Variants in COL11A1 observed in about 807,000 individuals in gnomAD.
COL11A1 encodes the protein collagen type XI alpha 1 chain.
A neutral mutation model predicts 265.2 loss-of-function variants in COL11A1; 74 were observed. The ratio of observed to expected loss-of-function variants is 0.28; its 90% CI spans 0.23 to 0.34. COL11A1 has a LOEUF of 0.34. COL11A1 is among the 10% of genes least tolerant of loss of function. The probability of loss-of-function intolerance (pLI) is 1.00; values close to 1 mark genes in which losing one functional copy is unlikely to be tolerated. For missense variants in COL11A1, 2,165 were observed against 2,263.6 expected, an observed-to-expected ratio of 0.96 and a Z score of 0.88; for synonymous variants, 816 against 727.6, an observed-to-expected ratio of 1.12 and a Z score of -1.96.
At chr1:102,913,884 T>A (rs1487290663) in intron 52 of COL11A1, among the ~76,000 whole-genome samples, 194 bp from the exon 53 acceptor site, 1 of 152,192 alleles carries the variant, frequency 6.6e-6, no homozygotes, top group African/African-American at 2.4e-5. Context: ...TTTGTAAAAC[T>A]GCTACTATTA....
intron 29 of COL11A1, among the ~76,000 whole-genome samples, chr1:102,988,443 C>G (rs1049662649): frequency 2.6e-5 from 4 of 152,104 alleles, no homozygotes; most frequent in African/African-American, 7.2e-5. Flanking sequence ...TTTGCAATTC[C>G]CCTGTCTGGA....
At chr1:102,990,501 G>A (rs1664027534) in intron 28 of COL11A1, among the ~76,000 whole-genome samples, 2 of 151,842 alleles carry the variant, frequency 1.3e-5, no homozygotes, top group African/African-American at 4.8e-5. Flanking sequence ...CAACAATGCT[G>A]AAAATGAAGT....
intron 59 of COL11A1, among the ~76,000 whole-genome samples, 198 bp downstream of exon 59, chr1:102,889,257 T>G (rs1651418279): frequency 6.6e-6 from 1 of 152,282 alleles, no homozygotes; most frequent in South Asian, 2.1e-4. Context: ...ATTTTTATGG[T>G]TTCTAACTTA....
At chr1:102,997,185 G>C (rs1374822237) in intron 25 of COL11A1, 61 bp from the exon 26 acceptor site, 2 of 1,348,054 alleles carry the variant, frequency 1.5e-6, no homozygotes, top group Non-Finnish European at 1.1e-6. Context: ...ATAATACTAC[G>C]AAAGTATTTC....
intron 4 of COL11A1, among the ~76,000 whole-genome samples, chr1:103,043,281 G>GA (rs1245145092): frequency 6.7e-6 from 1 of 149,706 alleles, no homozygotes; most frequent in African/African-American, 2.5e-5. Flanking sequence ...TGTATATCTG[G>GA]ATGACCAAAC....
rs566107930 is a variant in COL11A1 at position 103,081,864 on chromosome 1, G to A, written c.274+941C>T. On this transcript the variant is annotated intron_variant, in intron 2 of 66. Transcript: ENST00000370096. ...AAATATATAGAGCAGAACAGACCTAGATTAAATATTGACTGCACATAACTT... is the reference window on the plus strand; with the variant it reads ...AAATATATAGAGCAGAACAGACCTAAATTAAATATTGACTGCACATAACTT... Among the ~76,000 whole-genome samples, 47 of 152,042 alleles carry A rather than the reference G, an allele frequency of 3.1e-4. 1 individual carries two copies. In the South Asian group the frequency reaches 9.5e-3, roughly 31 times the overall value.
Position 102,876,797 on chromosome 1 carries a change from A to C in COL11A1, c.*1222T>G, listed in dbSNP as rs973910298. 6.6e-6 allele frequency: 1 copy of C among 152,114 alleles called. No individual in the cohort carries two copies. The highest frequency in any genetic ancestry group is 6.6e-5 in the Admixed American group (1 of 15,226). The allele number at this position is 152,114 out of a possible 1,614,324, so 9.4% of individuals were successfully genotyped here. A position where few individuals can be genotyped will look rare whatever the true frequency, so the allele number is the denominator to read the frequency against. On this transcript the variant is annotated 3_prime_UTR_variant, in exon 67 of 67. Transcript: ENST00000370096. ...TACCTTAAAGTAAATACCTTAGTGG[A>C]AAAAAAAGTTTAGATTTTCCTGAAT...
intron 48 of COL11A1, among the ~76,000 whole-genome samples, chr1:102,920,649 T>C (rs745443446): frequency 3.3e-5 from 5 of 152,180 alleles, no homozygotes; most frequent in Non-Finnish European, 5.9e-5. Flanking sequence ...TCTTTGCCAA[T>C]AGAATAGTCA....
At chr1:102,891,771 T>A (rs1449375983) in intron 57 of COL11A1, among the ~76,000 whole-genome samples, 1 of 151,060 alleles carries the variant, frequency 6.6e-6, no homozygotes, top group Non-Finnish European at 1.5e-5. Context: ...CTGTCCCAGC[T>A]ACTTGAGAGG....
chr1:102,928,057 C>G (rs1446647459), intron 46 of COL11A1, among the ~76,000 whole-genome samples: 2 of 152,178 alleles, frequency 1.3e-5, no homozygotes, highest in African/African-American at 4.8e-5. Context: ...GAAGTACTAA[C>G]TTATCTTGTT....
chr1:103,004,922 T>A (rs1204580100), intron 18 of COL11A1, among the ~76,000 whole-genome samples: 5 of 151,582 alleles, frequency 3.3e-5, no homozygotes, highest in Admixed American at 2.6e-4. Flanking sequence ...AAAATAAGTA[T>A]CTTAAATCGT....
chr1:102,944,557 A>G (rs1358939877), intron 42 of COL11A1, among the ~76,000 whole-genome samples: 4 of 152,126 alleles, frequency 2.6e-5, no homozygotes, highest in African/African-American at 9.7e-5. Context: ...CTAATTACCA[A>G]CAAAACTCAG....
chr1:102,902,479 G>C (rs1249436029), intron 54 of COL11A1, among the ~76,000 whole-genome samples: 1 of 152,016 alleles, frequency 6.6e-6, no homozygotes, highest in Non-Finnish European at 1.5e-5. Flanking sequence ...TTTCCCAAAA[G>C]TATTAAAAAC....
chr1:102,953,906 G>A (rs1449890487), intron 41 of COL11A1, among the ~76,000 whole-genome samples: 1 of 152,080 alleles, frequency 6.6e-6, no homozygotes, highest in Non-Finnish European at 1.5e-5. Context: ...GAACTCAAAG[G>A]AGGGACTAAA....
Position 102,878,010 on chromosome 1 carries a change from G to A in COL11A1, c.*9C>T. On this transcript the variant is annotated 3_prime_UTR_variant, in exon 67 of 67. Transcript: ENST00000370096. ...TTTCTGTTGATTTGATATGTTCTTT[G>A]TCTTAATCTTAGCCAAGAAAACAAA... is the stretch of plus-strand genomic sequence containing the variant. 6.2e-7 allele frequency: 1 copy of A among 1,612,990 alleles called. No individual in the cohort carries two copies. Among genetic ancestry groups the A allele is most frequent in the Non-Finnish European group, 8.5e-7 (1 of 1,179,306 alleles).
chr1:103,087,856 T>C (rs949007440), intron 1 of COL11A1, among the ~76,000 whole-genome samples: 1 of 152,218 alleles, frequency 6.6e-6, no homozygotes, highest in Non-Finnish European at 1.5e-5. Flanking sequence ...GGAACAGGTA[T>C]ACACACACAA....
At chr1:102,994,541 A>T (rs1236139721) in intron 28 of COL11A1, among the ~76,000 whole-genome samples, 1 of 152,108 alleles carries the variant, frequency 6.6e-6, no homozygotes, top group Admixed American at 6.6e-5. Flanking sequence ...AGCCTGCACA[A>T]CCATAAGCCA....
chr1:103,047,153 G>A (rs1232501327), intron 4 of COL11A1, among the ~76,000 whole-genome samples: 2 of 152,122 alleles, frequency 1.3e-5, no homozygotes, highest in Admixed American at 1.3e-4. Context: ...GAAAGTCATT[G>A]GTAGCCCAAT....
In COL11A1 at chr1:103,059,421, AC is replaced by A. The variant is rs199658499; in HGVS notation, c.651+15196del. ...ATAGCTAAGGGCTTATTAAAAAAAAACAAAACATAGTTTCTTTTACCCAGTG... is the reference window on the plus strand; with the variant it reads ...ATAGCTAAGGGCTTATTAAAAAAAAAAAAACATAGTTTCTTTTACCCAGTG... On this transcript the variant is annotated intron_variant, in intron 4 of 66. Coordinates refer to ENST00000370096, the MANE Select transcript of COL11A1 (RefSeq NM_001854.4). Among the ~76,000 whole-genome samples, 599 of 152,238 alleles carry A rather than the reference AC, an allele frequency of 3.9e-3. 5 individuals are homozygous for A. Among genetic ancestry groups the A allele is most frequent in the African/African-American group, 0.014 (568 of 41,532 alleles).
Sources: allele counts gnomAD v4.1 joint callset (sites outside exome capture counted in the v4.1 genomes callset), GRCh38; gene constraint gnomAD v4.1.1; transcripts MANE v1.5; gene names NCBI Gene and HGNC (gene_info 2026-07-23, HGNC 2026-07-21).